Variants in SHC2 observed in about 807,000 individuals in gnomAD.
SHC2 encodes the protein SHC-transforming protein 2.
Under a neutral mutation model 60.6 loss-of-function variants are expected in SHC2, and 62 were observed. That is an observed-to-expected ratio of 1.02 (90% CI 0.83 to 1.26). The LOEUF (loss-of-function observed/expected upper bound fraction) is 1.26, where lower values mean the gene tolerates loss of function less well. SHC2 is among the 50% of genes most tolerant of loss of function. SHC2 has a pLI of 0.00. For missense variants in SHC2, 873 were observed against 822.2 expected (o/e 1.06, Z -0.76); for synonymous variants, 375 against 372.4 (o/e 1.01, Z -0.08).
In SHC2 at chr19:440,655, C is replaced by T. The variant is rs78168814; in HGVS notation, c.539+207G>A. Among the ~76,000 whole-genome samples, 3,192 of 152,284 alleles carry T rather than the reference C, an allele frequency of 0.021. 76 individuals carry two copies. The highest frequency in any genetic ancestry group is 0.11 in the East Asian group (582 of 5,160). ...GCGTGTTCTTTCCATCTTAGAGGAT[C>T]GAGGTCTGCAGGGCACGGTGACCGA... is the stretch of plus-strand genomic sequence containing the variant. On this transcript the variant is annotated intron_variant, in intron 2 of 12. Transcript: ENST00000264554. This position sits in a 1 kb window ranked among gnomAD's most constrained non-coding sequence, Gnocchi z 7.0.
chr19:447,382 C>G (rs953837485), intron 1 of SHC2, among the ~76,000 whole-genome samples: 9 of 152,248 alleles, frequency 5.9e-5, no homozygotes, highest in African/African-American at 2.2e-4. Flanking sequence ...TGGAACTAGA[C>G]ACGGGTGAGG....
intron 8 of SHC2, among the ~76,000 whole-genome samples, chr19:433,454 G>A (rs74639909): frequency 1.4e-3 from 25 of 18,298 alleles, no homozygotes; most frequent in South Asian, 0.015. Flanking sequence ...GGCAGATGGC[G>A]CTTCATCGTG....
At chr19:449,881 C>G (rs376133383) in intron 1 of SHC2, among the ~76,000 whole-genome samples, 2 of 152,208 alleles carry the variant, frequency 1.3e-5, no homozygotes, top group African/African-American at 4.8e-5. Flanking sequence ...TGGAACTTTT[C>G]GTCTCAATAG....
chr19:422,476 G>A lies in SHC2; in HGVS notation c.1310-20C>T. On this transcript the variant is annotated intron_variant, in intron 10 of 12. Transcript: ENST00000264554. The surrounding 1 kb of genome is among the most constrained non-coding windows in gnomAD (Gnocchi z 5.0). The stretch of plus-strand genomic sequence containing the variant: ...AGGGTCCTGCAGGCCAGGGACAGGA[G>A]TGCTGGGCAGGCAGGGGGCAAGCAG... 3 of 1,493,294 alleles carry A rather than the reference G, an allele frequency of 2.0e-6. No homozygotes were observed. Among genetic ancestry groups the A allele is most frequent in the Non-Finnish European group, 2.7e-6 (3 of 1,118,136 alleles). 92.5% of individuals were successfully genotyped at this position (1,493,294 alleles called of 1,614,324 possible).
intron 1 of SHC2, among the ~76,000 whole-genome samples, chr19:460,193 C>CG (rs1423014462): frequency 1.3e-5 from 2 of 152,176 alleles, no homozygotes; most frequent in Non-Finnish European, 2.9e-5. Flanking sequence ...AACAGCTGTC[C>CG]GGGGGGCTCC....
chr19:460,768 C>T lies in SHC2; in HGVS notation c.229G>A (p.Ala77Thr). Residue 77 changes from alanine to threonine, a missense_variant, in exon 1 of 13, where the codon GCC becomes ACC. Coordinates refer to ENST00000264554, the MANE Select transcript of SHC2 (RefSeq NM_012435.3). ...AGPGGVPALA[A>T]AVLGACEPRC... ...GGCTCGCAGGCGCCCAGGACGGCGGCCGCCAGCGCCGGGACGCCCCCCGGG... is the reference window on the plus strand; with the variant it reads ...GGCTCGCAGGCGCCCAGGACGGCGGTCGCCAGCGCCGGGACGCCCCCCGGG... 3 of 979,114 alleles carry T rather than the reference C, an allele frequency of 3.1e-6. No individual in the cohort carries two copies. The highest frequency in any genetic ancestry group is 3.6e-6 in the Non-Finnish European group (3 of 827,404). 60.7% of individuals were successfully genotyped at this position (979,114 alleles called of 1,614,324 possible). A position where few individuals can be genotyped will look rare whatever the true frequency, so the allele number is the denominator to read the frequency against.
At chr19:431,053 T>A (rs1974574641) in intron 8 of SHC2, among the ~76,000 whole-genome samples, 1 of 152,188 alleles carries the variant, frequency 6.6e-6, no homozygotes, top group South Asian at 2.1e-4. Context: ...CAGCTCCTAT[T>A]CACCAGTCAG....
chr19:439,903 G>A (rs1294652682), intron 2 of SHC2, among the ~76,000 whole-genome samples: 2 of 151,822 alleles, frequency 1.3e-5, no homozygotes, highest in African/African-American at 2.4e-5. Flanking sequence ...GTGGGCGCCT[G>A]TAGTCCCAGC....
In SHC2 at chr19:440,531, G is replaced by A. The variant is rs1974837390; in HGVS notation, c.539+331C>T. ...GGTCACCGTGTGGAAAACAGAGCAG[G>A]GACACGGAGACGCCACTGGGCCCCG... On this transcript the variant is annotated intron_variant, in intron 2 of 12. Transcript: ENST00000264554. This position sits in a 1 kb window ranked among gnomAD's most constrained non-coding sequence, Gnocchi z 7.0. 6.6e-6 allele frequency among the ~76,000 whole-genome samples: 1 copy of A among 152,182 alleles called. No homozygotes were observed.
chr19:457,222 A>G (rs144636868), intron 1 of SHC2, among the ~76,000 whole-genome samples: 2 of 99,338 alleles, frequency 2.0e-5, no homozygotes, highest in South Asian at 3.0e-4. Context: ...CCACCACATC[A>G]GGCCTTTGCA....
At chr19:459,019 C>T (rs558734619) in intron 1 of SHC2, among the ~76,000 whole-genome samples, 2 of 152,264 alleles carry the variant, frequency 1.3e-5, no homozygotes, top group South Asian at 2.1e-4. Flanking sequence ...ACGGCCCGCT[C>T]CTCTGTGCAT....
intron 9 of SHC2, among the ~76,000 whole-genome samples, chr19:427,883 G>T (rs1223047211): frequency 4.2e-5 from 6 of 144,348 alleles, no homozygotes; most frequent in Admixed American, 1.4e-4. Flanking sequence ...CACAGAGAAG[G>T]GGGAACTGCA....
chr19:447,262 T>C (rs149564012), intron 1 of SHC2, among the ~76,000 whole-genome samples: 1,920 of 128,292 alleles, frequency 0.015, 47 homozygotes, highest in African/African-American at 0.051. Flanking sequence ...GACAGGCCGA[T>C]CCACAGAGGC....
At position 422,467 on chromosome 19, in the gene SHC2, G is replaced by A. The variant is rs752435966; in HGVS notation, c.1310-11C>T. ...CATCCTCAAAGGGTCCTGCAGGCCAGGGACAGGAGTGCTGGGCAGGCAGGG... is the reference window on the plus strand; with the variant it reads ...CATCCTCAAAGGGTCCTGCAGGCCAAGGACAGGAGTGCTGGGCAGGCAGGG... On this transcript the variant is annotated splice_polypyrimidine_tract_variant and intron_variant, in intron 10 of 12. Coordinates refer to ENST00000264554, the MANE Select transcript of SHC2 (RefSeq NM_012435.3). This position sits in a 1 kb window ranked among gnomAD's most constrained non-coding sequence, Gnocchi z 5.0. The A allele has an allele frequency of 4.6e-6, 7 of 1,512,632 alleles. No homozygotes were observed. The highest frequency in any genetic ancestry group is 2.1e-5 in the Admixed American group (1 of 47,708). The allele number at this position is 1,512,632 out of a possible 1,614,324, so 93.7% of individuals were successfully genotyped here.
intron 7 of SHC2, 161 bp downstream of exon 7, chr19:436,004 C>G: frequency 1.3e-6 from 1 of 763,462 alleles, no homozygotes; most frequent in South Asian, 1.9e-5. Flanking sequence ...TGTTAACAGC[C>G]GAGGAAACAG....
intron 7 of SHC2, 90 bp from the exon 8 acceptor site, chr19:434,955 T>C (rs1413534337): frequency 1.4e-6 from 2 of 1,385,544 alleles, no homozygotes; most frequent in African/African-American, 2.9e-5. Context: ...GCAGGAAATA[T>C]CTGAGTTCGA....
Position 436,271 on chromosome 19 carries a change from A to G in SHC2, c.847T>C (p.Cys283Arg), listed in dbSNP as rs1317104231. The change falls in exon 7 of 13, where the codon TGT becomes CGT. Residue 283 changes from cysteine to arginine, a missense_variant. By Grantham distance (180) the Cys-to-Arg change is radical. Transcript: ENST00000264554. Reference protein sequence around the residue: ...NQRACHILECCEGLAQSIIST... With the variant: ...NQRACHILECREGLAQSIIST... The stretch of plus-strand genomic sequence containing the variant: ...ATGATGCTCTGTGCCAGGCCCTCAC[A>G]GCACTCCAGGATGTGGCAGGCTGCG... 1.3e-6 allele frequency: 2 copies of G among 1,595,052 alleles called. No individual in the cohort carries two copies. Among genetic ancestry groups the G allele is most frequent in the Non-Finnish European group, 1.7e-6 (2 of 1,171,622 alleles).
intron 1 of SHC2, among the ~76,000 whole-genome samples, chr19:443,970 T>C (rs1974987434): frequency 7.1e-6 from 1 of 140,256 alleles, no homozygotes; most frequent in African/African-American, 2.7e-5. Context: ...GGAGGGTGGA[T>C]GGATGGACGG....
Position 441,156 on chromosome 19 carries a change from G to C in SHC2, c.469-224C>G. 1 of 985,088 alleles carries C rather than the reference G, an allele frequency of 1.0e-6. No individual in the cohort carries two copies. The highest frequency in any genetic ancestry group is 1.2e-6 in the Non-Finnish European group (1 of 829,848). 61.0% of individuals were successfully genotyped at this position (985,088 alleles called of 1,614,324 possible). On this transcript the variant is annotated intron_variant, in intron 1 of 12. Coordinates refer to ENST00000264554, the MANE Select transcript of SHC2 (RefSeq NM_012435.3). The surrounding 1 kb of genome is among the most constrained non-coding windows in gnomAD (Gnocchi z 4.9). The stretch of plus-strand genomic sequence containing the variant: ...TCCAGGCATGTTTTTCTGTGTTGCT[G>C]TTTCTCAGGAGCCTGGTGGTTCCCC...
Sources: gnomAD v4.1 joint callset for allele counts (sites outside exome capture counted in the v4.1 genomes callset) on GRCh38, gnomAD v4.1.1 for gene constraint, Gnocchi (gnomAD v3.1) non-coding constraint, MANE v1.5 for transcripts, NCBI Gene and HGNC (gene_info 2026-07-23, HGNC 2026-07-21) for gene names.